Variants in BNC2 observed in about 807,000 individuals in gnomAD.
BNC2 encodes the protein basonuclin zinc finger protein 2, also known as zinc finger protein basonuclin-2.
In BNC2, 20 loss-of-function variants were observed where a neutral mutation model predicts 76.3. That is an observed-to-expected ratio of 0.26 (90% CI 0.18 to 0.38). The LOEUF is 0.38. Ranked by LOEUF, BNC2 falls within the 10% of genes least tolerant of loss-of-function variation. The pLI is 1.00. For synonymous variants in BNC2, 582 were observed against 514.8 expected (o/e 1.13, Z -1.77); for missense variants, 1,382 against 1,399.8 (o/e 0.99, Z 0.20).
chr9:16,556,766 C>CAAAAAAAA, intron 4 of BNC2, among the ~76,000 whole-genome samples: 1 of 127,354 alleles, frequency 7.9e-6, no homozygotes, highest in South Asian at 2.5e-4. Context: ...GACTCTAACT[C>CAAAAAAAA]AAAAAAAAAA....
At chr9:16,518,604 GTT>G (rs1817513881) in intron 5 of BNC2, among the ~76,000 whole-genome samples, 1 of 122,844 alleles carries the variant, frequency 8.1e-6, no homozygotes, top group Non-Finnish European at 1.7e-5. Context: ...GTTGTTGTTT[GTT>G]TGTTTTTTGT....
intron 5 of BNC2, among the ~76,000 whole-genome samples, chr9:16,512,660 A>T (rs144219370): frequency 1.3e-5 from 2 of 152,202 alleles, no homozygotes; most frequent in African/African-American, 4.8e-5. Context: ...TTTTATGTAC[A>T]CTATAAAACT....
At position 16,690,848 on chromosome 9, in the gene BNC2, G is replaced by C. The variant is rs75938512; in HGVS notation, c.330+36949C>G. ...GAAAGACACAGAAGGTGACGGAGGT[G>C]GGGGGATGCCAGGGTGCGGGGTGGA... On this transcript the variant is annotated intron_variant, in intron 3 of 6. Coordinates refer to ENST00000380672, the MANE Select transcript of BNC2 (RefSeq NM_017637.6). Among the ~76,000 whole-genome samples the C allele has an allele frequency of 1.2e-4, 19 of 152,258 alleles. No individual in the cohort carries two copies. The East Asian group carries it at 3.5e-3, about 28-fold the overall frequency.
At chr9:16,673,246 A>T (rs1212016733) in intron 3 of BNC2, among the ~76,000 whole-genome samples, 1 of 152,228 alleles carries the variant, frequency 6.6e-6, no homozygotes, top group East Asian at 1.9e-4. Context: ...TTCATTTATA[A>T]GTAAAACTTT....
chr9:16,869,276 T>TA lies in BNC2; in HGVS notation c.3+1369dup, dbSNP rs1253931547. On this transcript the variant is annotated intron_variant, in intron 1 of 6. Coordinates refer to ENST00000380672, the MANE Select transcript of BNC2 (RefSeq NM_017637.6). ...TAATCCTGGGTACACAGGATTATTTTATGATGTCTTTTGTACGTCAGTTTT... is the reference window on the plus strand; with the variant it reads ...TAATCCTGGGTACACAGGATTATTTTAATGATGTCTTTTGTACGTCAGTTTT... 5.3e-5 allele frequency among the ~76,000 whole-genome samples: 8 copies of TA among 152,336 alleles called. No individual in the cohort carries two copies. The East Asian group carries it at 1.5e-3, about 29-fold the overall frequency.
chr9:16,505,042 A>C (rs1283256333), intron 5 of BNC2, among the ~76,000 whole-genome samples: 1 of 152,262 alleles, frequency 6.6e-6, no homozygotes, highest in Non-Finnish European at 1.5e-5. Flanking sequence ...CTCACAACGT[A>C]AGTTGAGGCA....
At position 16,416,298 on chromosome 9, in the gene BNC2, T is replaced by C. The variant is rs1216236434; in HGVS notation, c.*2691A>G. 3 of 152,644 alleles carry C rather than the reference T, an allele frequency of 2.0e-5. No individual in the cohort carries two copies. The allele number at this position is 152,644 out of a possible 1,614,324, so 9.5% of individuals were successfully genotyped here. A position where few individuals can be genotyped will look rare whatever the true frequency, so the allele number is the denominator to read the frequency against. The stretch of plus-strand genomic sequence containing the variant: ...TGCACACTGCAAAAGCCAGAGTTTC[T>C]ATAATGTTTTGTTGGGATATTAAAA... On this transcript the variant is annotated 3_prime_UTR_variant, in exon 7 of 7. Coordinates refer to ENST00000380672, the MANE Select transcript of BNC2 (RefSeq NM_017637.6).
chr9:16,576,757 G>T (rs570437952), intron 4 of BNC2, among the ~76,000 whole-genome samples: 182 of 152,256 alleles, frequency 1.2e-3, no homozygotes, highest in African/African-American at 4.2e-3. Flanking sequence ...TGTTGTTGTT[G>T]AGATGGAGTC....
intron 1 of BNC2, among the ~76,000 whole-genome samples, chr9:16,777,936 A>G (rs1826015330): frequency 6.6e-6 from 1 of 152,194 alleles, no homozygotes; most frequent in Non-Finnish European, 1.5e-5. Context: ...CTATACTGGC[A>G]ATGAGAAAAC....
At chr9:16,492,114 G>A (rs1822291530) in intron 5 of BNC2, among the ~76,000 whole-genome samples, 1 of 151,908 alleles carries the variant, frequency 6.6e-6, no homozygotes, top group Admixed American at 6.6e-5. Flanking sequence ...ATGCTTTAGG[G>A]AGTCCTGACA....
chr9:16,841,629 C>T (rs1487692659), intron 1 of BNC2, among the ~76,000 whole-genome samples: 2 of 152,118 alleles, frequency 1.3e-5, no homozygotes, highest in South Asian at 2.1e-4. Flanking sequence ...TGGTATTCAC[C>T]ATGCCTTCTT....
chr9:16,584,876 T>C (rs2133080980), intron 3 of BNC2, among the ~76,000 whole-genome samples: 1 of 152,248 alleles, frequency 6.6e-6, no homozygotes, highest in South Asian at 2.1e-4. Flanking sequence ...CTTTACAAAT[T>C]ATCTAATTAT....
intron 1 of BNC2, among the ~76,000 whole-genome samples, chr9:16,776,083 C>T (rs567394882): frequency 4.6e-4 from 70 of 152,148 alleles, no homozygotes; most frequent in Non-Finnish European, 8.1e-4. Context: ...GAAACTCCTC[C>T]GTATTACCTA....
intron 3 of BNC2, among the ~76,000 whole-genome samples, chr9:16,634,409 T>C (rs142567137): frequency 2.6e-5 from 4 of 152,298 alleles, no homozygotes; most frequent in African/African-American, 9.6e-5. Context: ...CTGGATACTG[T>C]CTGGTGACAA....
At chr9:16,532,555 C>G (rs1245368543) in intron 5 of BNC2, among the ~76,000 whole-genome samples, 1 of 152,126 alleles carries the variant, frequency 6.6e-6, no homozygotes, top group Admixed American at 6.5e-5. Flanking sequence ...CCTATGAGAG[C>G]TGATTGCTAA....
At chr9:16,511,420 CTTTTTTTTTT>C (rs758039548) in intron 5 of BNC2, among the ~76,000 whole-genome samples, 58 of 69,502 alleles carry the variant, frequency 8.3e-4, no homozygotes, top group African/African-American at 3.4e-3. Context: ...AATAAATTTA[CTTTTTTTTTT>C]TTTTTTTTTT....
chr9:16,616,991 C>T (rs1243236399), intron 3 of BNC2, among the ~76,000 whole-genome samples: 1 of 152,142 alleles, frequency 6.6e-6, no homozygotes, highest in Middle Eastern at 3.2e-3. Context: ...ATAGTTGCCA[C>T]AGATAATATG....
intron 4 of BNC2, among the ~76,000 whole-genome samples, chr9:16,581,127 C>T (rs1008986712): frequency 5.3e-5 from 8 of 152,212 alleles, no homozygotes; most frequent in Admixed American, 4.6e-4. Flanking sequence ...ATGTTGAAGT[C>T]ATAACCCCTA....
In BNC2 at chr9:16,485,083, T is replaced by TAC. The variant is rs770204305; in HGVS notation, c.670-47561_670-47560dup. ...ATCATTCCTGTGCTTCCAGAGAAATTACACACACACACACAGAGACACACA... is the reference window on the plus strand; with the variant it reads ...ATCATTCCTGTGCTTCCAGAGAAATTACACACACACACACACAGAGACACACA... On this transcript the variant is annotated intron_variant, in intron 5 of 6. Transcript: ENST00000380672. 6.9e-3 allele frequency among the ~76,000 whole-genome samples: 967 copies of TAC among 139,768 alleles called. 11 individuals carry two copies. The highest frequency in any genetic ancestry group is 0.026 in the African/African-American group (895 of 34,274). The allele number at this position is 139,768 out of a possible 152,430, so 91.7% of individuals were successfully genotyped here. A position where few individuals can be genotyped will look rare whatever the true frequency, so the allele number is the denominator to read the frequency against.
Sources: allele counts gnomAD v4.1 joint callset (sites outside exome capture counted in the v4.1 genomes callset), GRCh38; gene constraint gnomAD v4.1.1; transcripts MANE v1.5; gene names NCBI Gene and HGNC (gene_info 2026-07-23, HGNC 2026-07-21).